Variants in STK3 observed in about 807,000 individuals in gnomAD.
STK3 encodes serine/threonine-protein kinase 3.
In STK3, 41 loss-of-function variants were observed where a neutral mutation model predicts 58.0. That is an observed-to-expected ratio of 0.71 (90% CI 0.55 to 0.92). STK3 has a LOEUF of 0.92. Among genes scored for constraint, STK3 ranks in the 40% least tolerant of loss-of-function variants. The pLI, the probability that STK3 is intolerant of heterozygous loss-of-function variation, is 0.00. For synonymous variants in STK3, 170 were observed against 191.0 expected, an observed-to-expected ratio of 0.89 and a Z score of 0.91; for missense variants, 479 against 602.7, an observed-to-expected ratio of 0.79 and a Z score of 2.15.
At chr8:98,732,126 A>G (rs556432339) in intron 4 of STK3, among the ~76,000 whole-genome samples, 11 of 152,094 alleles carry the variant, frequency 7.2e-5, no homozygotes, top group Non-Finnish European at 1.3e-4. Context: ...AAAATAAAGC[A>G]CCCCGCCTCC....
At position 98,429,256 on chromosome 8, in the gene STK3, C is replaced by T. The variant is rs749432677; in HGVS notation, n.483+4871G>A. Reference sequence around the variant, plus strand: ...CGGCGCCAAAAGCAACTTGAGAGTGCCATGCGCAGCTGTGACTTTGGAGAT... The same window carrying T: ...CGGCGCCAAAAGCAACTTGAGAGTGTCATGCGCAGCTGTGACTTTGGAGAT... On this transcript the variant is annotated intron_variant and non_coding_transcript_variant, in intron 3 of 3. Transcript: ENST00000517832. 6 of 1,614,068 alleles carry T rather than the reference C, an allele frequency of 3.7e-6. No individual in the cohort carries two copies. The South Asian group carries it at 6.6e-5, about 18-fold the overall frequency.
chr8:98,793,353 A>G (rs1224494832), intron 1 of STK3, among the ~76,000 whole-genome samples: 1 of 152,164 alleles, frequency 6.6e-6, no homozygotes, highest in Non-Finnish European at 1.5e-5. Flanking sequence ...TAATAAAAAA[A>G]TGGAGAAACC....
At chr8:98,588,887 C>T (rs1287020954) in intron 7 of STK3, among the ~76,000 whole-genome samples, 3 of 150,870 alleles carry the variant, frequency 2.0e-5, no homozygotes, top group Non-Finnish European at 4.4e-5. Flanking sequence ...CAGTTGATCG[C>T]ATCGGCTCCT....
At chr8:98,596,341 G>A in intron 6 of STK3, 172 bp from the exon 7 acceptor site, 2 of 623,736 alleles carry the variant, frequency 3.2e-6, no homozygotes, top group Non-Finnish European at 5.2e-6. Context: ...TGCTACTAAT[G>A]TAATCATTTC....
At chr8:98,938,924 G>A (rs755450118) in intron 1 of STK3, among the ~76,000 whole-genome samples, 8 of 152,076 alleles carry the variant, frequency 5.3e-5, no homozygotes, top group Non-Finnish European at 8.8e-5. Context: ...CGACATTTCC[G>A]GAAATCAGTC....
intron 2 of STK3, among the ~76,000 whole-genome samples, chr8:98,773,026 C>T (rs972207648): frequency 6.6e-6 from 1 of 152,052 alleles, no homozygotes; most frequent in African/African-American, 2.4e-5. Flanking sequence ...ATCAATGGTC[C>T]TTTGAACATA....
chr8:98,399,499 T>C (rs1327432069), downstream of STK3, among the ~76,000 whole-genome samples: 1 of 152,074 alleles, frequency 6.6e-6, no homozygotes, highest in Admixed American at 6.5e-5. Context: ...ATATTGACAG[T>C]GGGAAGGGGG....
chr8:98,692,398 T>A (rs1205904023), intron 6 of STK3, among the ~76,000 whole-genome samples: 1 of 152,138 alleles, frequency 6.6e-6, no homozygotes, highest in African/African-American at 2.4e-5. Flanking sequence ...AGGAAGCAAA[T>A]TCTGACACAT....
intron 1 of STK3, among the ~76,000 whole-genome samples, chr8:98,803,593 CAAAAAAA>C (rs34316563): frequency 5.1e-5 from 2 of 38,862 alleles, no homozygotes; most frequent in Non-Finnish European, 9.1e-5. Flanking sequence ...GACTCTGTTT[CAAAAAAA>C]AAAAAAAAGA....
intron 3 of STK3, among the ~76,000 whole-genome samples, chr8:98,849,711 A>G (rs1836367633): frequency 6.6e-6 from 1 of 152,042 alleles, no homozygotes. Flanking sequence ...GAAGCTCATA[A>G]TTTCAGATAC....
intron 6 of STK3, among the ~76,000 whole-genome samples, chr8:98,641,747 AG>A (rs1820036274): frequency 6.6e-6 from 1 of 152,244 alleles, no homozygotes; most frequent in Middle Eastern, 3.2e-3. Context: ...GCATATATAA[AG>A]TGCCATGAAG....
chr8:98,753,161 T>C (rs1830084356), intron 3 of STK3, among the ~76,000 whole-genome samples: 1 of 152,210 alleles, frequency 6.6e-6, no homozygotes, highest in Non-Finnish European at 1.5e-5. Flanking sequence ...TAAAGACACA[T>C]GCATGCTTAT....
chr8:98,519,037 G>A (rs1825158101), intron 10 of STK3, among the ~76,000 whole-genome samples: 4 of 152,106 alleles, frequency 2.6e-5, no homozygotes, highest in African/African-American at 9.6e-5. Context: ...TAATACTCTT[G>A]CAAACATCTG....
chr8:98,447,005 CAT>C (rs1183142081), intron 1 of STK3, among the ~76,000 whole-genome samples: 2 of 152,114 alleles, frequency 1.3e-5, no homozygotes, highest in East Asian at 1.9e-4. Flanking sequence ...CCAAATACCA[CAT>C]GTTCTTGCTT....
intron 6 of STK3, among the ~76,000 whole-genome samples, chr8:98,600,470 C>T (rs983960981): frequency 4.6e-5 from 7 of 152,144 alleles, no homozygotes; most frequent in Non-Finnish European, 7.4e-5. Flanking sequence ...CCTAATTTTA[C>T]GACTGAGGCT....
intron 1 of STK3, among the ~76,000 whole-genome samples, chr8:98,902,366 T>C (rs1169007382): frequency 6.6e-6 from 1 of 152,232 alleles, no homozygotes. Flanking sequence ...AGATCTTTTG[T>C]AACTTAACAT....
At chr8:98,409,575 C>T (rs1030978098) in intron 3 of STK3, among the ~76,000 whole-genome samples, 5 of 152,244 alleles carry the variant, frequency 3.3e-5, no homozygotes, top group Non-Finnish European at 5.9e-5. Context: ...CAAAAGCAAA[C>T]CTCTCATCTC....
intron 9 of STK3, among the ~76,000 whole-genome samples, chr8:98,532,271 C>T (rs927630166): frequency 6.6e-6 from 1 of 151,992 alleles, no homozygotes; most frequent in African/African-American, 2.4e-5. Context: ...TATCAATGGG[C>T]CTAATTTCAA....
upstream of STK3, among the ~76,000 whole-genome samples, chr8:98,826,852 T>C (rs1835331528): frequency 7.6e-6 from 1 of 131,586 alleles, no homozygotes; most frequent in South Asian, 2.5e-4. Flanking sequence ...TGGTGAAACC[T>C]CGTCTCTACT....
Sources: gnomAD v4.1 joint callset for allele counts (sites outside exome capture counted in the v4.1 genomes callset) on GRCh38, gnomAD v4.1.1 for gene constraint, MANE v1.5 for transcripts, NCBI Gene and HGNC (gene_info 2026-07-23, HGNC 2026-07-21) for gene names.